Variants in WIPI2 observed in about 807,000 individuals in gnomAD.
WIPI2 encodes WD repeat domain, phosphoinositide interacting 2.
A neutral mutation model predicts 52.3 loss-of-function variants in WIPI2; 28 were observed. The ratio of observed to expected loss-of-function variants is 0.54; its 90% CI spans 0.40 to 0.73. The LOEUF is 0.73. WIPI2 is among the 30% of genes least tolerant of loss of function. The pLI, the probability that WIPI2 is intolerant of heterozygous loss-of-function variation, is 0.00. For synonymous variants in WIPI2, 268 were observed against 245.0 expected, an observed-to-expected ratio of 1.09 and a Z score of -0.88; for missense variants, 506 against 602.9, an observed-to-expected ratio of 0.84 and a Z score of 1.68.
chr7:5,220,333 C>A (rs1337846303), intron 7 of WIPI2, among the ~76,000 whole-genome samples: 1 of 151,758 alleles, frequency 6.6e-6, no homozygotes, highest in Non-Finnish European at 1.5e-5. Flanking sequence ...ACCTCTGCCT[C>A]CCAGGTTCAA....
chr7:5,227,107 T>C lies in WIPI2; in HGVS notation c.849-73T>C. 3.2e-6 allele frequency: 5 copies of C among 1,584,492 alleles called. No individual in the cohort carries two copies. Among genetic ancestry groups the C allele is most frequent in the Non-Finnish European group, 4.3e-6 (5 of 1,162,866 alleles). On this transcript the variant is annotated intron_variant, in intron 9 of 12. Coordinates refer to ENST00000288828, the MANE Select transcript of WIPI2 (RefSeq NM_015610.4). The surrounding 1 kb of genome is among the most constrained non-coding windows in gnomAD (Gnocchi z 8.1). ...TTGCTGTCGGCTCCAGAGCTGTGCG[T>C]CTGTGTGAGTAGGGGGTGGCCGTCC...
Position 5,227,962 on chromosome 7 carries a change from G to T in WIPI2, c.1014-142G>T, listed in dbSNP as rs1344010114. ...GCCTTGGCCGTGTGAGCCGAGGTCAGTGGGGCGCCAGACACCTGCAGCTGC... is the reference window on the plus strand; with the variant it reads ...GCCTTGGCCGTGTGAGCCGAGGTCATTGGGGCGCCAGACACCTGCAGCTGC... On this transcript the variant is annotated intron_variant, in intron 10 of 12. Coordinates refer to ENST00000288828, the MANE Select transcript of WIPI2 (RefSeq NM_015610.4). This position sits in a 1 kb window ranked among gnomAD's most constrained non-coding sequence, Gnocchi z 8.1. The T allele has an allele frequency of 1.4e-5, 11 of 779,698 alleles. No individual in the cohort carries two copies. The Admixed American group carries it at 1.5e-4, about 10-fold the overall frequency. 48.3% of individuals were successfully genotyped at this position (779,698 alleles called of 1,614,324 possible).
chr7:5,197,376 C>G (rs1781804853), intron 2 of WIPI2, among the ~76,000 whole-genome samples: 1 of 152,060 alleles, frequency 6.6e-6, no homozygotes, highest in Non-Finnish European at 1.5e-5. Flanking sequence ...CCCGAAAGTT[C>G]TGGGTTGCTG....
intron 3 of WIPI2, among the ~76,000 whole-genome samples, chr7:5,204,147 G>A (rs146817636): frequency 4.9e-4 from 75 of 152,244 alleles, no homozygotes; most frequent in Middle Eastern, 6.8e-3. Context: ...CTGGGTATGC[G>A]GGTTCCATGT....
intron 2 of WIPI2, among the ~76,000 whole-genome samples, chr7:5,198,181 C>T (rs375530125): frequency 6.6e-4 from 101 of 152,282 alleles, no homozygotes; most frequent in African/African-American, 2.4e-3. Flanking sequence ...GTTTCGTTTC[C>T]AGCCCACTGC....
chr7:5,203,498 A>G lies in WIPI2; in HGVS notation c.211+3840A>G, dbSNP rs139194139. 2.3e-3 allele frequency among the ~76,000 whole-genome samples: 344 copies of G among 152,174 alleles called. 3 individuals are homozygous for G. Among genetic ancestry groups the G allele is most frequent in the Middle Eastern group, 0.017 (5 of 292 alleles). Reference sequence around the variant, plus strand: ...TTAAATCAAGTAATTAATTTCTTAGATTTTAGTCAGGCAATCTCTAGGAGG... The same window carrying G: ...TTAAATCAAGTAATTAATTTCTTAGGTTTTAGTCAGGCAATCTCTAGGAGG... On this transcript the variant is annotated intron_variant, in intron 3 of 12. Coordinates refer to ENST00000288828, the MANE Select transcript of WIPI2 (RefSeq NM_015610.4).
At chr7:5,191,764 G>A (rs4724450) in intron 1 of WIPI2, among the ~76,000 whole-genome samples, 137,763 of 152,186 alleles carry the variant, frequency 0.91, 62,542 homozygotes, top group East Asian at 0.96. Flanking sequence ...ATAGCAGAAG[G>A]TAAGATTCTT....
chr7:5,230,812 G>A lies in WIPI2; in HGVS notation c.1253-23G>A. ...GTGGTGTGTCCCCAGCCTTTGAAGGGTGACTTCGTCGTCTCTTTGCAGCCT... is the reference window on the plus strand; with the variant it reads ...GTGGTGTGTCCCCAGCCTTTGAAGGATGACTTCGTCGTCTCTTTGCAGCCT... On this transcript the variant is annotated intron_variant, in intron 12 of 12. Transcript: ENST00000288828. The surrounding 1 kb of genome is among the most constrained non-coding windows in gnomAD (Gnocchi z 4.8). 2 of 1,601,014 alleles carry A rather than the reference G, an allele frequency of 1.2e-6. No homozygotes were observed. The highest frequency in any genetic ancestry group is 1.7e-6 in the Non-Finnish European group (2 of 1,171,474).
chr7:5,228,083 G>T (rs1783528971), intron 10 of WIPI2, 21 bp from the exon 11 acceptor site: 2 of 1,612,032 alleles, frequency 1.2e-6, no homozygotes, highest in African/African-American at 2.7e-5. Context: ...CTAGAATTTG[G>T]CTGCTCTTTA....
chr7:5,193,073 GTTTT>G lies in WIPI2; in HGVS notation c.75-42_75-39del, dbSNP rs749294625. On this transcript the variant is annotated intron_variant, in intron 1 of 12. Transcript: ENST00000288828. ...CTAAAAGTGTGCATAAGTTTTATTT[GTTTT>G]TTACCATTTGTTTTTTGTTTTGTTT... 3.8e-6 allele frequency: 6 copies of G among 1,584,540 alleles called. No homozygotes were observed. The Admixed American group carries it at 8.4e-5, about 22-fold the overall frequency.
rs975175779 is a variant in WIPI2, at chr7:5,227,425, C to T, written c.1013+81C>T. On this transcript the variant is annotated intron_variant, in intron 10 of 12. Transcript: ENST00000288828. This position sits in a 1 kb window ranked among gnomAD's most constrained non-coding sequence, Gnocchi z 8.1. ...CAGTCCTGGCGGCTTGTGGCCCCTTCCGTGCTTCTGAACAGGAGCAGCTTC... is the reference window on the plus strand; with the variant it reads ...CAGTCCTGGCGGCTTGTGGCCCCTTTCGTGCTTCTGAACAGGAGCAGCTTC... 1.9e-6 allele frequency: 3 copies of T among 1,540,588 alleles called. No homozygotes were observed. The highest frequency in any genetic ancestry group is 2.6e-6 in the Non-Finnish European group (3 of 1,146,632).
At chr7:5,229,448 T>C in intron 11 of WIPI2, 160 bp from the exon 12 acceptor site, 1 of 724,400 alleles carries the variant, frequency 1.4e-6, no homozygotes, top group Non-Finnish European at 2.2e-6. Context: ...TAAAAACGTG[T>C]GCAGATAGAC....
chr7:5,199,745 GTGGT>G (rs1043510757), intron 3 of WIPI2, 87 bp downstream of exon 3: 4 of 1,326,826 alleles, frequency 3.0e-6, no homozygotes, highest in Non-Finnish European at 4.1e-6. Context: ...TTCAGACGCT[GTGGT>G]TGAAGTCCAG....
chr7:5,197,530 C>G (rs1781811343), intron 2 of WIPI2, among the ~76,000 whole-genome samples: 1 of 152,048 alleles, frequency 6.6e-6, no homozygotes, highest in Non-Finnish European at 1.5e-5. Context: ...AGTAAAGAAG[C>G]AAAAAATTTT....
At chr7:5,193,032 T>C (rs923092381) in intron 1 of WIPI2, 86 bp from the exon 2 acceptor site, 76 of 1,344,574 alleles carry the variant, frequency 5.7e-5, no homozygotes, top group Non-Finnish European at 7.5e-5. Flanking sequence ...TGTCGTACTT[T>C]TTCATGATTC....
At chr7:5,206,273 CCTTA>C (rs1190649033) in intron 3 of WIPI2, among the ~76,000 whole-genome samples, 4 of 152,038 alleles carry the variant, frequency 2.6e-5, no homozygotes, top group Non-Finnish European at 5.9e-5. Context: ...TTGCCTGTGT[CCTTA>C]CTTATGTAGA....
intron 3 of WIPI2, among the ~76,000 whole-genome samples, chr7:5,204,975 C>T (rs1782220110): frequency 1.3e-5 from 2 of 152,046 alleles, no homozygotes; most frequent in Admixed American, 1.3e-4. Context: ...CATGCCCGGC[C>T]TATTAGTCTT....
chr7:5,214,349 G>T, intron 3 of WIPI2, 186 bp from the exon 4 acceptor site: 1 of 1,584,914 alleles, frequency 6.3e-7, no homozygotes, highest in Non-Finnish European at 8.6e-7. Context: ...TGCTCCTGAG[G>T]CTCCAGCGAA....
In WIPI2 at chr7:5,231,066, A is replaced by T; in HGVS notation, c.*119A>T. ...GGAGAGGATGGCAGAGACTTTATTA[A>T]AAAAAAAAAAAGATTGTAGTGGTAG... On this transcript the variant is annotated 3_prime_UTR_variant, in exon 13 of 13. Transcript: ENST00000288828. 3.8e-6 allele frequency: 2 copies of T among 532,598 alleles called. No homozygotes were observed. Among genetic ancestry groups the T allele is most frequent in the South Asian group, 4.2e-5 (1 of 23,820 alleles). The allele number at this position is 532,598 out of a possible 1,614,324, so 33.0% of individuals were successfully genotyped here.
Sources: allele counts gnomAD v4.1 joint callset (sites outside exome capture counted in the v4.1 genomes callset), GRCh38; gene constraint gnomAD v4.1.1; non-coding constraint Gnocchi (gnomAD v3.1); transcripts MANE v1.5; gene names NCBI Gene and HGNC (gene_info 2026-07-23, HGNC 2026-07-21).